CHRM2: variants seen among roughly 807,000 people sequenced by gnomAD.
CHRM2 encodes the protein cholinergic receptor muscarinic 2.
A neutral mutation model predicts 25.0 loss-of-function variants in CHRM2; 8 were observed. That is an observed-to-expected ratio of 0.32 (90% CI 0.19 to 0.58). The LOEUF is 0.58. Among genes scored for constraint, CHRM2 ranks in the 20% least tolerant of loss-of-function variants. The pLI is 0.88. For missense variants in CHRM2, 440 were observed against 567.1 expected, an observed-to-expected ratio of 0.78 and a Z score of 2.28; for synonymous variants, 202 against 205.7, an observed-to-expected ratio of 0.98 and a Z score of 0.15.
intron 2 of CHRM2, among the ~76,000 whole-genome samples, chr7:136,954,883 T>C (rs1204743048): frequency 6.6e-6 from 1 of 152,192 alleles, no homozygotes; most frequent in East Asian, 1.9e-4. Context: ...GAGATCACTA[T>C]AGATTGTTGC....
At position 136,911,334 on chromosome 7, in the gene CHRM2, G is replaced by A. The variant is rs1797832739; in HGVS notation, c.-125+41916G>A. Among the ~76,000 whole-genome samples the A allele has an allele frequency of 2.0e-5, 3 of 151,858 alleles. No homozygotes were observed. In the South Asian group the frequency reaches 6.2e-4, roughly 31 times the overall value. On this transcript the variant is annotated intron_variant, in intron 2 of 3. Transcript: ENST00000680005. Reference sequence around the variant, plus strand: ...AGATAACATTTATATAGTGTTTTCTGTGTATTAAGTACTTGGATAAGTATT... The same window carrying A: ...AGATAACATTTATATAGTGTTTTCTATGTATTAAGTACTTGGATAAGTATT...
chr7:136,978,286 C>G (rs1802241828), intron 2 of CHRM2, among the ~76,000 whole-genome samples: 1 of 152,120 alleles, frequency 6.6e-6, no homozygotes, highest in Non-Finnish European at 1.5e-5. Context: ...CATTCACGTG[C>G]CTAATCAATT....
chr7:136,992,532 G>T (rs1421759379), intron 3 of CHRM2, among the ~76,000 whole-genome samples: 1 of 151,984 alleles, frequency 6.6e-6, no homozygotes, highest in East Asian at 1.9e-4. Context: ...CAACTTGTCA[G>T]GAAAAATGTT....
intron 2 of CHRM2, among the ~76,000 whole-genome samples, chr7:136,953,698 T>C (rs1584815261): frequency 6.6e-6 from 1 of 150,592 alleles, no homozygotes. Flanking sequence ...AAATTTCTTA[T>C]GCAGAGCAGG....
intron 2 of CHRM2, among the ~76,000 whole-genome samples, chr7:136,894,738 G>A (rs997754090): frequency 2.0e-5 from 3 of 151,958 alleles, no homozygotes; most frequent in African/African-American, 7.3e-5. Flanking sequence ...GTTCTTAATG[G>A]TTTTTAAAAA....
At chr7:136,892,047 A>G (rs1342015240) in intron 2 of CHRM2, among the ~76,000 whole-genome samples, 2 of 152,320 alleles carry the variant, frequency 1.3e-5, no homozygotes. Flanking sequence ...TATCTGTTAC[A>G]CAGCAGGTAT....
intron 2 of CHRM2, among the ~76,000 whole-genome samples, chr7:136,943,717 C>CAGGATCATGTTTCAAATTGATAG (rs1799903351): frequency 1.0e-4 from 2 of 19,782 alleles, no homozygotes; most frequent in South Asian, 7.1e-4. Context: ...TTTTTCAAGG[C>CAGGATCATGTTTCAAATTGATAG]AGTATCAATG....
At chr7:136,935,779 T>C (rs1459771279) in intron 2 of CHRM2, among the ~76,000 whole-genome samples, 2 of 152,192 alleles carry the variant, frequency 1.3e-5, no homozygotes, top group Non-Finnish European at 2.9e-5. Context: ...TCTGAGAATA[T>C]GAGAGACTTG....
intron 2 of CHRM2, among the ~76,000 whole-genome samples, chr7:136,885,925 C>T (rs990880815): frequency 2.6e-5 from 4 of 152,024 alleles, no homozygotes; most frequent in African/African-American, 4.8e-5. Flanking sequence ...GAGTCCCGTA[C>T]GTTATTCTCA....
At chr7:136,970,127 C>T (rs1351613871) in intron 2 of CHRM2, among the ~76,000 whole-genome samples, 1 of 152,146 alleles carries the variant, frequency 6.6e-6, no homozygotes, top group African/African-American at 2.4e-5. Context: ...CAGATATCAT[C>T]TCTTAGGTGT....
chr7:136,920,788 A>G (rs1798384893), intron 2 of CHRM2, among the ~76,000 whole-genome samples: 1 of 152,028 alleles, frequency 6.6e-6, no homozygotes. Context: ...AACTCATGAC[A>G]CTCAGTGTTT....
intron 2 of CHRM2, among the ~76,000 whole-genome samples, chr7:136,945,426 C>G (rs1485113911): frequency 1.3e-5 from 2 of 152,066 alleles, no homozygotes; most frequent in Non-Finnish European, 2.9e-5. Flanking sequence ...AGATGAGGAT[C>G]CAGTTTCATT....
At chr7:136,931,949 G>A (rs74910477) in intron 2 of CHRM2, among the ~76,000 whole-genome samples, 1,857 of 152,224 alleles carry the variant, frequency 0.012, 35 homozygotes, top group African/African-American at 0.043. Flanking sequence ...CTGTGTAGTC[G>A]TGGGTTTTAA....
chr7:136,960,487 G>A (rs1584828951), intron 2 of CHRM2, among the ~76,000 whole-genome samples: 1 of 152,200 alleles, frequency 6.6e-6, no homozygotes, highest in African/African-American at 2.4e-5. Context: ...CAACAGACAA[G>A]GAAGGAGTCA....
At chr7:136,944,793 TG>T (rs1323499652) in intron 2 of CHRM2, among the ~76,000 whole-genome samples, 2 of 152,052 alleles carry the variant, frequency 1.3e-5, no homozygotes, top group Admixed American at 1.3e-4. Flanking sequence ...CAAAAGCAAT[TG>T]AAGTTTTTGC....
At chr7:136,875,484 T>G (rs181937826) in intron 2 of CHRM2, among the ~76,000 whole-genome samples, 2 of 152,060 alleles carry the variant, frequency 1.3e-5, no homozygotes, top group Admixed American at 1.3e-4. Context: ...CTGGAATCCA[T>G]CCCCCTCTTT....
chr7:136,889,808 G>A (rs967759663), intron 2 of CHRM2, among the ~76,000 whole-genome samples: 9 of 152,174 alleles, frequency 5.9e-5, no homozygotes, highest in Non-Finnish European at 1.3e-4. Context: ...ACTGTTGCGG[G>A]AATGTTGTTT....
intron 2 of CHRM2, among the ~76,000 whole-genome samples, chr7:136,947,862 T>G (rs1584804511): frequency 6.6e-6 from 1 of 152,132 alleles, no homozygotes; most frequent in African/African-American, 2.4e-5. Flanking sequence ...GATGGGTAAC[T>G]AGGCCTTTCT....
intron 2 of CHRM2, among the ~76,000 whole-genome samples, chr7:136,933,886 G>A (rs1410262866): frequency 6.6e-6 from 1 of 152,172 alleles, no homozygotes; most frequent in Non-Finnish European, 1.5e-5. Flanking sequence ...AAAGTAGAAT[G>A]GTGGTTGAGT....
Sources: gnomAD v4.1 joint callset for allele counts (sites outside exome capture counted in the v4.1 genomes callset) on GRCh38, gnomAD v4.1.1 for gene constraint, MANE v1.5 for transcripts, NCBI Gene and HGNC (gene_info 2026-07-23, HGNC 2026-07-21) for gene names.